Variants in NFASC observed in about 807,000 individuals in gnomAD.
NFASC encodes the protein neurofascin homolog.
Under a neutral mutation model 147.5 loss-of-function variants are expected in NFASC, and 43 were observed. The ratio of observed to expected loss-of-function variants is 0.29; its 90% confidence interval spans 0.23 to 0.38. The LOEUF (loss-of-function observed/expected upper bound fraction) is 0.38, where lower values mean the gene tolerates loss of function less well. Among genes scored for constraint, NFASC ranks in the 10% least tolerant of loss-of-function variants. The probability of loss-of-function intolerance (pLI) is 1.00; values close to 1 mark genes in which losing one functional copy is unlikely to be tolerated. For synonymous variants in NFASC, 622 were observed against 665.5 expected (o/e 0.93, Z 1.01); for missense variants, 1,320 against 1,689.0 (o/e 0.78, Z 3.83).
rs1483278521 is a variant in NFASC, at chr1:205,009,685, C to T, written c.3418C>T (p.Pro1140Ser). 1.2e-6 allele frequency: 2 copies of T among 1,613,648 alleles called. No individual in the cohort carries two copies. Among genetic ancestry groups the T allele is most frequent in the Non-Finnish European group, 1.7e-6 (2 of 1,179,896 alleles). Residue 1140 changes from proline (P) to serine (S), a missense_variant, in exon 28 of 30, where the codon CCA (proline) becomes TCA (serine). By Grantham distance (74) the Pro-to-Ser change is moderately conservative. Coordinates refer to ENST00000339876, the MANE Select transcript of NFASC (RefSeq NM_001005388.3). ...FIKRSRGGKY[P>S]VREKKDVPLG... ...CAAGAGGAGTCGCGGCGGCAAGTACCCAGGTGAGATGTGCAAGAGGCGTGG... is the reference window on the plus strand; with the variant it reads ...CAAGAGGAGTCGCGGCGGCAAGTACTCAGGTGAGATGTGCAAGAGGCGTGG...
At position 204,867,748 on chromosome 1, in the gene NFASC, C is replaced by T. The variant is rs573065315; in HGVS notation, c.-200+38966C>T. Among the ~76,000 whole-genome samples, 7 of 152,346 alleles carry T rather than the reference C, an allele frequency of 4.6e-5. No homozygotes were observed. The East Asian group carries it at 9.6e-4, about 21-fold the overall frequency. On this transcript the variant is annotated intron_variant, in intron 1 of 29. Coordinates refer to ENST00000339876, the MANE Select transcript of NFASC (RefSeq NM_001005388.3). ...TGCTATCTGCGCACTCATGGTCACA[C>T]GCTCATGCATAGGCACAGCCACAGG...
intron 2 of NFASC, among the ~76,000 whole-genome samples, chr1:204,935,159 G>C (rs995499856): frequency 6.6e-6 from 1 of 152,192 alleles, no homozygotes. Context: ...ACTTCCCAGA[G>C]GAGGTAGCAC....
intron 1 of NFASC, among the ~76,000 whole-genome samples, chr1:204,869,731 C>G (rs2077432108): frequency 6.6e-6 from 1 of 152,264 alleles, no homozygotes; most frequent in African/African-American, 2.4e-5. Context: ...ATGGCAGAGC[C>G]AAATTTTGAA....
rs1558313446 is a variant in NFASC at position 204,973,377 on chromosome 1, G to A, written c.1237G>A (p.Glu413Lys). 6 of 1,614,282 alleles carry A rather than the reference G, an allele frequency of 3.7e-6. No individual in the cohort carries two copies. Among genetic ancestry groups the A allele is most frequent in the Admixed American group, 1.7e-5 (1 of 60,034 alleles). ...RAVYQCNTSN[E>K]HGYLLANAFV... ...TGTGTACCAGTGCAACACCTCCAAC[G>A]AGCATGGCTACCTGCTGGCCAACGC... is the stretch of plus-strand genomic sequence containing the variant. Residue 413 changes from glutamate to lysine, a missense_variant, in exon 12 of 30, where the codon GAG (glutamate) becomes AAG (lysine). Glu to Lys is a moderately conservative substitution (Grantham distance 56). Around this residue, in one of 3 missense-constraint regions of NFASC, gnomAD observed 981 missense variants for 1,289.5 expected, o/e 0.76. Transcript: ENST00000339876.
intron 1 of NFASC, among the ~76,000 whole-genome samples, chr1:204,881,707 CTGACAAAGATTCTTTGCT>C (rs1173140185): frequency 9.2e-5 from 14 of 152,192 alleles, no homozygotes; most frequent in East Asian, 3.9e-4. Flanking sequence ...TCCCTTGTTT[CTGACAAAGATTCTTTGCT>C]TGACAAAGAT....
In NFASC at chr1:204,926,539, G is replaced by C. The variant is rs565434291; in HGVS notation, c.-91+5799G>C. On this transcript the variant is annotated intron_variant, in intron 2 of 29. Transcript: ENST00000339876. ...AGTGATCCTCCCGTCTCAGCCTCTT[G>C]AGTAGCTGGGACCACAGTTGCGCGC... is the stretch of plus-strand genomic sequence containing the variant. 6.8e-5 allele frequency among the ~76,000 whole-genome samples: 10 copies of C among 148,078 alleles called. No individual in the cohort carries two copies. In the East Asian group the frequency reaches 2.1e-3, roughly 31 times the overall value.
At chr1:204,999,884 A>G (rs2095936498) in intron 25 of NFASC, 1 of 152,254 alleles carries the variant, frequency 6.6e-6, no homozygotes, top group Non-Finnish European at 1.5e-5. Flanking sequence ...TTGCATGCTA[A>G]TAAAATATAC....
chr1:204,970,290 C>G (rs2095185966), intron 10 of NFASC, among the ~76,000 whole-genome samples: 1 of 152,120 alleles, frequency 6.6e-6, no homozygotes, highest in South Asian at 2.1e-4. Flanking sequence ...ACCCAGGCCT[C>G]CTGTGAGGAT....
intron 1 of NFASC, among the ~76,000 whole-genome samples, chr1:204,863,627 A>G (rs529513632): frequency 6.6e-6 from 1 of 152,218 alleles, no homozygotes; most frequent in East Asian, 1.9e-4. Flanking sequence ...AGGGGGGTGG[A>G]TCAACTGAGG....
At chr1:204,860,838 A>G (rs1296018766) in intron 1 of NFASC, among the ~76,000 whole-genome samples, 1 of 152,138 alleles carries the variant, frequency 6.6e-6, no homozygotes, top group Non-Finnish European at 1.5e-5. Flanking sequence ...ATCATATAAT[A>G]TATGGCCTTT....
rs1345288938 is a variant in NFASC, at chr1:204,979,020, C to T, written c.1929C>T (p.Ser643=). The change falls in exon 18 of 30, where the codon AGC becomes AGT. Residue 643 remains serine, a synonymous_variant. Transcript: ENST00000339876. This position sits in a 1 kb window ranked among gnomAD's most constrained non-coding sequence, Gnocchi z 6.0. ...DLELTDLAER[S]VRLTWIPGDA... ...AGCTGACCGACCTGGCCGAGAGGAG[C>T]GTGCGGCTGACCTGGATCCCCGGGG... 8 of 1,565,068 alleles carry T rather than the reference C, an allele frequency of 5.1e-6. No individual in the cohort carries two copies. The highest frequency in any genetic ancestry group is 4.8e-5 in the East Asian group (2 of 42,032).
chr1:204,860,687 T>G (rs1253339046), intron 1 of NFASC, among the ~76,000 whole-genome samples: 1 of 152,228 alleles, frequency 6.6e-6, no homozygotes, highest in African/African-American at 2.4e-5. Flanking sequence ...TCTAATTCCT[T>G]AAGACTTTTA....
chr1:204,955,314 A>T (rs1573686165), intron 7 of NFASC, among the ~76,000 whole-genome samples: 1 of 152,254 alleles, frequency 6.6e-6, no homozygotes, highest in Admixed American at 6.5e-5. Flanking sequence ...ACACACAGTA[A>T]GCACTTGGAA....
intron 1 of NFASC, among the ~76,000 whole-genome samples, chr1:204,889,768 G>T (rs2082025563): frequency 6.6e-6 from 1 of 152,232 alleles, no homozygotes; most frequent in African/African-American, 2.4e-5. Flanking sequence ...GAAGGCCAAT[G>T]TACTGGGTGG....
At chr1:204,863,469 A>G (rs1375902084) in intron 1 of NFASC, among the ~76,000 whole-genome samples, 2 of 152,224 alleles carry the variant, frequency 1.3e-5, no homozygotes, top group Admixed American at 6.5e-5. Context: ...TTTTGTAGAC[A>G]TACAACTCAG....
chr1:204,948,797 C>T, intron 3 of NFASC: 1 of 497,276 alleles, frequency 2.0e-6, no homozygotes, highest in South Asian at 1.5e-5. Context: ...AAGGAGGTCC[C>T]TTGTCAGGCT....
intron 3 of NFASC, chr1:204,946,235 C>T: frequency 2.2e-6 from 1 of 447,366 alleles, no homozygotes; most frequent in Non-Finnish European, 4.7e-6. Context: ...AAAAAAGAAA[C>T]CACTGGAATC....
intron 2 of NFASC, among the ~76,000 whole-genome samples, chr1:204,926,447 A>ACT (rs1244132105): frequency 5.8e-5 from 7 of 119,962 alleles, no homozygotes; most frequent in African/African-American, 2.4e-4. Flanking sequence ...AGAGGGTCTC[A>ACT]CTGTTGTTCA....
chr1:204,860,602 TA>T (rs1054706073), intron 1 of NFASC, among the ~76,000 whole-genome samples: 1 of 152,226 alleles, frequency 6.6e-6, no homozygotes, highest in African/African-American at 2.4e-5. Context: ...TAAAATTGGT[TA>T]AAATTTACCG....
Sources: gnomAD v4.1 joint callset for allele counts (sites outside exome capture counted in the v4.1 genomes callset) on GRCh38, gnomAD v4.1.1 for gene constraint, gnomAD v4.1.1 regional missense constraint, Gnocchi (gnomAD v3.1) non-coding constraint, MANE v1.5 for transcripts, NCBI Gene and HGNC (gene_info 2026-07-23, HGNC 2026-07-21) for gene names.